SVOP: variants seen among roughly 807,000 people sequenced by gnomAD.
SVOP encodes the protein synaptic vesicle 2-related protein.
A neutral mutation model predicts 69.1 loss-of-function variants in SVOP; 17 were observed. The ratio of observed to expected loss-of-function variants is 0.25; its 90% CI spans 0.17 to 0.37. The LOEUF is 0.37. Ranked by LOEUF, SVOP falls within the 10% of genes least tolerant of loss-of-function variation. The pLI is 1.00. For missense variants in SVOP, 435 were observed against 597.5 expected (o/e 0.73, Z 2.84); for synonymous variants, 238 against 238.6 (o/e 1.00, Z 0.02).
intron 1 of SVOP, among the ~76,000 whole-genome samples, chr12:109,009,022 C>G (rs1477167295): frequency 4.5e-5 from 6 of 134,408 alleles, no homozygotes; most frequent in African/African-American, 1.5e-4. Flanking sequence ...AGTGCAGTGG[C>G]ATGATATCCG....
intron 11 of SVOP, among the ~76,000 whole-genome samples, chr12:108,927,435 T>A (rs2039786930): frequency 6.6e-6 from 1 of 152,198 alleles, no homozygotes; most frequent in South Asian, 2.1e-4. Flanking sequence ...AAATTTTTCC[T>A]TTAACTCATC....
chr12:109,012,638 G>A (rs1345807317), intron 1 of SVOP, among the ~76,000 whole-genome samples: 3 of 152,022 alleles, frequency 2.0e-5, no homozygotes, highest in Non-Finnish European at 2.9e-5. Flanking sequence ...AAGAAAATAA[G>A]GAAATACGGC....
intron 1 of SVOP, among the ~76,000 whole-genome samples, chr12:109,004,778 C>T (rs144634815): frequency 1.3e-5 from 2 of 151,902 alleles, no homozygotes; most frequent in East Asian, 1.9e-4. Flanking sequence ...CACTCTGCCA[C>T]CCAGGCTGGA....
chr12:108,932,433 C>T (rs894676102), intron 11 of SVOP, among the ~76,000 whole-genome samples: 2 of 151,926 alleles, frequency 1.3e-5, no homozygotes, highest in African/African-American at 4.8e-5. Context: ...GAGCAAGACC[C>T]TGTCTCAAAA....
At chr12:108,972,354 T>A in intron 5 of SVOP, 51 bp downstream of exon 5, 1 of 1,523,358 alleles carries the variant, frequency 6.6e-7, no homozygotes, top group Non-Finnish European at 8.8e-7. Context: ...GTCCAGACCA[T>A]CACCAAGACA....
At chr12:108,967,769 C>T (rs1346469828) in intron 5 of SVOP, among the ~76,000 whole-genome samples, 2 of 152,118 alleles carry the variant, frequency 1.3e-5, no homozygotes, top group Admixed American at 6.5e-5. Context: ...ACACCCCTCC[C>T]CCAACGTGTG....
At chr12:108,928,135 C>T (rs767361549) in intron 11 of SVOP, among the ~76,000 whole-genome samples, 12 of 151,874 alleles carry the variant, frequency 7.9e-5, no homozygotes, top group Non-Finnish European at 1.8e-4. Flanking sequence ...AACTCCTGAC[C>T]TCAAGTGGTC....
intron 14 of SVOP, 38 bp downstream of exon 14, chr12:108,918,005 C>T: frequency 1.3e-6 from 2 of 1,500,018 alleles, no homozygotes; most frequent in Admixed American, 2.2e-5. Flanking sequence ...TCTCCCCCCA[C>T]TGCCCGTTCC....
At chr12:108,928,816 C>T (rs555156177) in intron 11 of SVOP, among the ~76,000 whole-genome samples, 2 of 152,246 alleles carry the variant, frequency 1.3e-5, no homozygotes, top group South Asian at 2.1e-4. Flanking sequence ...AATCTGCCCG[C>T]GTCAGCCTCT....
At chr12:109,011,417 A>G (rs2040340844) in intron 1 of SVOP, among the ~76,000 whole-genome samples, 1 of 152,120 alleles carries the variant, frequency 6.6e-6, no homozygotes, top group Non-Finnish European at 1.5e-5. Context: ...TTTTGCCTGA[A>G]GTGAGTGACA....
At chr12:108,951,051 T>C (rs1223115059) in intron 6 of SVOP, among the ~76,000 whole-genome samples, 2 of 152,212 alleles carry the variant, frequency 1.3e-5, no homozygotes, top group Non-Finnish European at 2.9e-5. Flanking sequence ...GCCATTTGGA[T>C]CACGTGTTTG....
intron 1 of SVOP, among the ~76,000 whole-genome samples, chr12:108,993,612 A>G (rs183757372): frequency 3.7e-4 from 56 of 152,310 alleles, no homozygotes; most frequent in African/African-American, 1.3e-3. Flanking sequence ...ACATCACTAT[A>G]TAGATGGTTT....
intron 11 of SVOP, among the ~76,000 whole-genome samples, chr12:108,933,172 G>A (rs927504942): frequency 9.9e-5 from 15 of 152,104 alleles, no homozygotes; most frequent in Non-Finnish European, 2.1e-4. Context: ...ACCACGCCTG[G>A]CCTGCAACTT....
intron 4 of SVOP, among the ~76,000 whole-genome samples, chr12:108,974,352 G>A (rs937234107): frequency 2.0e-5 from 3 of 152,130 alleles, no homozygotes; most frequent in African/African-American, 7.2e-5. Flanking sequence ...TGTTGTTGTG[G>A]TCTATTGTGT....
At chr12:108,966,183 C>A (rs144017627) in intron 5 of SVOP, among the ~76,000 whole-genome samples, 1 of 152,038 alleles carries the variant, frequency 6.6e-6, no homozygotes, top group East Asian at 1.9e-4. Context: ...CTTATTTAAT[C>A]CCCCCATTAA....
In SVOP at chr12:109,020,974, G is replaced by C. The variant is rs2040394982; in HGVS notation, c.-106C>G. On this transcript the variant is annotated 5_prime_UTR_variant, in exon 1 of 16. Transcript: ENST00000610966. ...CGGGAAGCTGGACAGCACCCGCGCCGCTTCCTCCCTGGAGCAGCAGCTGTT... is the reference window on the plus strand; with the variant it reads ...CGGGAAGCTGGACAGCACCCGCGCCCCTTCCTCCCTGGAGCAGCAGCTGTT... The C allele has an allele frequency of 1.6e-6, 1 of 640,834 alleles. No individual in the cohort carries two copies. The highest frequency in any genetic ancestry group is 1.9e-5 in the African/African-American group (1 of 53,966). The allele number at this position is 640,834 out of a possible 1,614,324, so 39.7% of individuals were successfully genotyped here.
intron 15 of SVOP, 74 bp downstream of exon 15, chr12:108,915,709 G>T: frequency 6.9e-7 from 1 of 1,457,600 alleles, no homozygotes; most frequent in Non-Finnish European, 9.2e-7. Context: ...GGGGACAGTC[G>T]GCATGTAGTA....
intron 1 of SVOP, among the ~76,000 whole-genome samples, chr12:108,992,383 A>G (rs528336295): frequency 6.6e-6 from 1 of 152,226 alleles, no homozygotes; most frequent in African/African-American, 2.4e-5. Flanking sequence ...TCTACAAAGA[A>G]TTTTAAAATT....
At chr12:108,965,094 T>C (rs940492803) in intron 5 of SVOP, among the ~76,000 whole-genome samples, 4 of 152,262 alleles carry the variant, frequency 2.6e-5, no homozygotes, top group African/African-American at 9.6e-5. Context: ...TGCTGTTTGC[T>C]AGGCCCTGGG....
Sources: gnomAD v4.1 joint callset for allele counts (sites outside exome capture counted in the v4.1 genomes callset) on GRCh38, gnomAD v4.1.1 for gene constraint, MANE v1.5 for transcripts, NCBI Gene and HGNC (gene_info 2026-07-23, HGNC 2026-07-21) for gene names.